ELOVL5: variants seen among roughly 807,000 people sequenced by gnomAD.
ELOVL5 encodes the protein ELOVL fatty acid elongase 5.
Under a neutral mutation model 38.6 loss-of-function variants are expected in ELOVL5, and 8 were observed. That is an observed-to-expected ratio of 0.21 (90% CI 0.12 to 0.37). The LOEUF (loss-of-function observed/expected upper bound fraction) is 0.37. Among genes scored for constraint, ELOVL5 ranks in the 10% least tolerant of loss-of-function variants. ELOVL5 has a pLI of 1.00. For missense variants in ELOVL5, 280 were observed against 367.8 expected (o/e 0.76, Z 1.95); for synonymous variants, 127 against 133.7 (o/e 0.95, Z 0.34).
At chr6:53,315,251 A>G (rs1464047421) in intron 1 of ELOVL5, among the ~76,000 whole-genome samples, 3 of 152,106 alleles carry the variant, frequency 2.0e-5, no homozygotes, top group Non-Finnish European at 4.4e-5. Context: ...TCTTCCTCCT[A>G]TAAAAATACT....
intron 3 of ELOVL5, among the ~76,000 whole-genome samples, chr6:53,291,100 C>T (rs1201300902): frequency 6.6e-6 from 1 of 152,072 alleles, no homozygotes; most frequent in Non-Finnish European, 1.5e-5. Flanking sequence ...ATAGTGTTAC[C>T]CCTTCAAAAT....
rs1765792925 is a variant in ELOVL5 at position 53,267,847 on chromosome 6, G to C, written c.*1280C>G. On this transcript the variant is annotated 3_prime_UTR_variant, in exon 8 of 8. Coordinates refer to ENST00000304434, the MANE Select transcript of ELOVL5 (RefSeq NM_021814.5). The stretch of plus-strand genomic sequence containing the variant: ...AGGCTAAATTCCGACACTTTAAAAT[G>C]ACACACATCATAGGCTTTACCTGTT... The C allele has an allele frequency of 6.6e-6, 1 of 152,390 alleles. No individual in the cohort carries two copies. Among genetic ancestry groups the C allele is most frequent in the African/African-American group, 2.4e-5 (1 of 41,456 alleles). The allele number at this position is 152,390 out of a possible 1,614,324, so 9.4% of individuals were successfully genotyped here.
chr6:53,315,518 A>T (rs143313951), intron 1 of ELOVL5, among the ~76,000 whole-genome samples: 102 of 152,350 alleles, frequency 6.7e-4, no homozygotes, highest in African/African-American at 1.9e-3. Flanking sequence ...TTTCATTCAT[A>T]TAGTCAAGTT....
chr6:53,323,576 CTTTTTTTT>C (rs3063792), intron 1 of ELOVL5, among the ~76,000 whole-genome samples: 2 of 81,544 alleles, frequency 2.5e-5, no homozygotes, highest in African/African-American at 9.5e-5. Context: ...TACTAGCCAG[CTTTTTTTT>C]TTTTTTTTTT....
intron 1 of ELOVL5, among the ~76,000 whole-genome samples, chr6:53,329,415 A>G (rs1027548223): frequency 3.9e-5 from 6 of 152,252 alleles, no homozygotes; most frequent in Non-Finnish European, 8.8e-5. Flanking sequence ...ACTAATAGAT[A>G]TAATCCACAT....
intron 1 of ELOVL5, among the ~76,000 whole-genome samples, chr6:53,335,527 C>T (rs1769022116): frequency 6.6e-6 from 1 of 151,882 alleles, no homozygotes; most frequent in Admixed American, 6.6e-5. Flanking sequence ...ATTTAGGTGT[C>T]CTTCCTGTTT....
intron 1 of ELOVL5, among the ~76,000 whole-genome samples, chr6:53,336,552 G>C (rs896195998): frequency 7.9e-5 from 12 of 152,144 alleles, no homozygotes; most frequent in African/African-American, 2.9e-4. Context: ...TCCCAGCTAT[G>C]CAGGAGGCTG....
rs779507394 is a variant in ELOVL5 at position 53,269,136 on chromosome 6, C to CCG, written c.889_890dup (p.Lys298GlyfsTer22). ...TTTCAATTCTTTGACTTCAATCCTTCCGCAGCTTCCTTGGCTTCACATTGT... is the reference window on the plus strand; with the variant it reads ...TTTCAATTCTTTGACTTCAATCCTTCCGCGCAGCTTCCTTGGCTTCACATTGT... On this transcript the variant is annotated frameshift_variant, in exon 8 of 8. Transcript: ENST00000304434. LOFTEE classifies it high-confidence loss of function. 5.0e-6 allele frequency: 8 copies of CCG among 1,613,550 alleles called. No individual in the cohort carries two copies. The highest frequency in any genetic ancestry group is 1.7e-4 in the Middle Eastern group (1 of 5,936).
chr6:53,333,653 A>C (rs1201334591), intron 1 of ELOVL5, among the ~76,000 whole-genome samples: 1 of 152,218 alleles, frequency 6.6e-6, no homozygotes, highest in Non-Finnish European at 1.5e-5. Context: ...GGAGAACAAG[A>C]AATTTAACTG....
intron 5 of ELOVL5, 60 bp from the exon 6 acceptor site, chr6:53,273,404 G>T: frequency 1.4e-6 from 2 of 1,409,926 alleles, no homozygotes; most frequent in South Asian, 1.3e-5. Flanking sequence ...AGAACAGGTG[G>T]TAAAAAAAAA....
chr6:53,287,951 A>C, intron 3 of ELOVL5: 1 of 1,535,374 alleles, frequency 6.5e-7, no homozygotes, highest in Admixed American at 2.0e-5. Context: ...GACTGTAACA[A>C]ACACAATTAG....
chr6:53,328,658 G>T (rs1347181100), intron 1 of ELOVL5, among the ~76,000 whole-genome samples: 1 of 152,014 alleles, frequency 6.6e-6, no homozygotes, highest in Non-Finnish European at 1.5e-5. Flanking sequence ...CTATCCAAGA[G>T]ACAGGAACAA....
intron 1 of ELOVL5, among the ~76,000 whole-genome samples, chr6:53,310,208 T>C (rs540367765): frequency 2.0e-5 from 3 of 152,226 alleles, no homozygotes; most frequent in Non-Finnish European, 2.9e-5. Context: ...AGGCTTATTA[T>C]CTAAAGTATA....
intron 3 of ELOVL5, chr6:53,287,993 G>A: frequency 2.1e-6 from 3 of 1,444,002 alleles, no homozygotes; most frequent in Non-Finnish European, 2.8e-6. Flanking sequence ...AGAGGTCTGA[G>A]GCACAGCAGG....
chr6:53,293,004 G>A (rs1555113), intron 2 of ELOVL5, among the ~76,000 whole-genome samples: 1 of 151,826 alleles, frequency 6.6e-6, no homozygotes, highest in Non-Finnish European at 1.5e-5. Flanking sequence ...CAGGTCAGCC[G>A]CCAGCAGCAA....
chr6:53,338,053 G>C (rs1769157856), intron 1 of ELOVL5, among the ~76,000 whole-genome samples: 1 of 152,182 alleles, frequency 6.6e-6, no homozygotes, highest in South Asian at 2.1e-4. Context: ...TGAGTCTGGA[G>C]CTCAAAAGAA....
chr6:53,286,639 A>G lies in ELOVL5; in HGVS notation c.246+5137T>C, dbSNP rs547369878. On this transcript the variant is annotated intron_variant, in intron 3 of 7. Coordinates refer to ENST00000304434, the MANE Select transcript of ELOVL5 (RefSeq NM_021814.5). ...AGAAACACTTATAAAATGGTGTAAT[A>G]AATTCCAACACTGAAATAATACAAA... is the stretch of plus-strand genomic sequence containing the variant. Among the ~76,000 whole-genome samples, 4 of 152,320 alleles carry G rather than the reference A, an allele frequency of 2.6e-5. No homozygotes were observed. The South Asian group carries it at 8.3e-4, about 32-fold the overall frequency.
intron 1 of ELOVL5, among the ~76,000 whole-genome samples, chr6:53,344,455 A>C (rs1011051180): frequency 3.3e-5 from 5 of 152,200 alleles, no homozygotes; most frequent in Admixed American, 2.6e-4. Context: ...TCTGGAGCAC[A>C]GCACTCATAA....
chr6:53,293,571 G>C (rs546983182), intron 2 of ELOVL5, among the ~76,000 whole-genome samples: 1 of 152,220 alleles, frequency 6.6e-6, no homozygotes, highest in East Asian at 1.9e-4. Flanking sequence ...ACCTGCCTTG[G>C]CCTCCCAAAG....
Sources: gnomAD v4.1 joint callset for allele counts (sites outside exome capture counted in the v4.1 genomes callset) on GRCh38, gnomAD v4.1.1 for gene constraint, MANE v1.5 for transcripts, NCBI Gene and HGNC (gene_info 2026-07-23, HGNC 2026-07-21) for gene names.